The following NKAIN2 variants were observed in gnomAD, a reference collection of about 807,000 sequenced individuals.
NKAIN2 encodes sodium/potassium transporting ATPase interacting 2.
A neutral mutation model predicts 32.6 loss-of-function variants in NKAIN2; 14 were observed. That is an observed-to-expected ratio of 0.43 (90% CI 0.28 to 0.67). The LOEUF is 0.67. Among genes scored for constraint, NKAIN2 ranks in the 30% least tolerant of loss-of-function variants. NKAIN2 has a pLI of 0.17. For synonymous variants in NKAIN2, 80 were observed against 87.2 expected (o/e 0.92, Z 0.46); for missense variants, 198 against 258.3 (o/e 0.77, Z 1.60).
At chr6:124,035,658 A>C (rs1781576627) in intron 1 of NKAIN2, among the ~76,000 whole-genome samples, 1 of 152,146 alleles carries the variant, frequency 6.6e-6, no homozygotes, top group South Asian at 2.1e-4. Context: ...ACTTCTAGCC[A>C]TTGTTTTTAT....
intron 2 of NKAIN2, among the ~76,000 whole-genome samples, chr6:124,285,456 T>C (rs942926720): frequency 6.6e-6 from 1 of 152,182 alleles, no homozygotes; most frequent in African/African-American, 2.4e-5. Flanking sequence ...ATAGCTAAGA[T>C]AATTGTTCTG....
At chr6:124,456,587 T>TATATATAA (rs1377760677) in intron 3 of NKAIN2, among the ~76,000 whole-genome samples, 7 of 151,960 alleles carry the variant, frequency 4.6e-5, no homozygotes, top group African/African-American at 1.7e-4. Context: ...TATATTTGCA[T>TATATATAA]ATGGTTACTG....
chr6:124,013,334 T>C (rs995952899), intron 1 of NKAIN2, among the ~76,000 whole-genome samples: 2 of 152,198 alleles, frequency 1.3e-5, no homozygotes, highest in Non-Finnish European at 2.9e-5. Flanking sequence ...TCAATCTTTA[T>C]AGAGTGTGTT....
intron 3 of NKAIN2, among the ~76,000 whole-genome samples, chr6:124,424,902 C>G (rs1378893841): frequency 6.6e-6 from 1 of 152,104 alleles, no homozygotes; most frequent in Non-Finnish European, 1.5e-5. Flanking sequence ...ATATTGGTTT[C>G]TTTTCCTTTG....
intron 1 of NKAIN2, among the ~76,000 whole-genome samples, chr6:124,098,381 A>T (rs1784734244): frequency 6.6e-6 from 1 of 152,198 alleles, no homozygotes; most frequent in Non-Finnish European, 1.5e-5. Context: ...AAATGTATAC[A>T]AAATGAAGTA....
intron 3 of NKAIN2, among the ~76,000 whole-genome samples, chr6:124,383,738 T>C (rs919689928): frequency 6.6e-6 from 1 of 152,216 alleles, no homozygotes; most frequent in Non-Finnish European, 1.5e-5. Flanking sequence ...TTCATCACTC[T>C]GTCTTCCATA....
intron 1 of NKAIN2, among the ~76,000 whole-genome samples, chr6:123,884,103 C>T (rs1217321082): frequency 2.0e-5 from 3 of 151,824 alleles, no homozygotes; most frequent in African/African-American, 4.8e-5. Context: ...TGATCCTCTC[C>T]CTCCTCCCAC....
intron 3 of NKAIN2, among the ~76,000 whole-genome samples, chr6:124,391,817 C>A (rs543676382): frequency 6.6e-6 from 1 of 152,072 alleles, no homozygotes; most frequent in Non-Finnish European, 1.5e-5. Context: ...ATGAACTCTT[C>A]GACTTCCCTG....
At chr6:124,175,779 T>C (rs1056069856) in intron 1 of NKAIN2, among the ~76,000 whole-genome samples, 17 of 152,178 alleles carry the variant, frequency 1.1e-4, no homozygotes, top group Non-Finnish European at 2.2e-4. Context: ...TCAACATTAT[T>C]TTCCAATCTA....
At chr6:124,397,037 A>G (rs1773411743) in intron 3 of NKAIN2, among the ~76,000 whole-genome samples, 1 of 152,112 alleles carries the variant, frequency 6.6e-6, no homozygotes, top group Non-Finnish European at 1.5e-5. Context: ...TGTTTTATTA[A>G]CAGTAGTGGT....
chr6:124,287,953 C>A lies in NKAIN2; in HGVS notation c.192+4811C>A, dbSNP rs545211194. Among the ~76,000 whole-genome samples, 10 of 133,622 alleles carry A rather than the reference C, an allele frequency of 7.5e-5. 1 individual carries two copies. The highest frequency in any genetic ancestry group is 3.8e-4 in the African/African-American group (10 of 26,664). The allele number at this position is 133,622 out of a possible 152,430, so 87.7% of individuals were successfully genotyped here. On this transcript the variant is annotated intron_variant, in intron 2 of 6. Transcript: ENST00000368417. ...GTAACATGCCAAAAATAAATTATTT[C>A]TCCCCCCCTCTCCCTTTCTTCCTTC...
chr6:124,559,943 T>C (rs1478632525), intron 3 of NKAIN2, among the ~76,000 whole-genome samples: 5 of 143,856 alleles, frequency 3.5e-5, no homozygotes, highest in African/African-American at 1.3e-4. Context: ...TGCCCACACT[T>C]CGGCTTATGT....
chr6:124,065,228 A>G (rs1783110980), intron 1 of NKAIN2, among the ~76,000 whole-genome samples: 1 of 151,938 alleles, frequency 6.6e-6, no homozygotes, highest in Non-Finnish European at 1.5e-5. Flanking sequence ...ACACACACAC[A>G]CACACACACA....
chr6:124,793,003 G>C lies in NKAIN2; in HGVS notation c.535+1604G>C, dbSNP rs1779812064. On this transcript the variant is annotated intron_variant, in intron 5 of 6. Transcript: ENST00000368417. ...TCATTATAAAGAAGAGACTCAAGAG[G>C]GGGAAAGATTAGGGAAAAGAGAACT... is the stretch of plus-strand genomic sequence containing the variant. Among the ~76,000 whole-genome samples the C allele has an allele frequency of 2.0e-5, 3 of 151,972 alleles. No homozygotes were observed. The South Asian group carries it at 6.2e-4, about 32-fold the overall frequency.
chr6:124,166,301 T>G (rs1275735213), intron 1 of NKAIN2, among the ~76,000 whole-genome samples: 1 of 151,984 alleles, frequency 6.6e-6, no homozygotes, highest in Non-Finnish European at 1.5e-5. Context: ...GTTTTTTGGC[T>G]GCATAAATGT....
At chr6:124,571,054 C>T (rs1329890243) in intron 3 of NKAIN2, among the ~76,000 whole-genome samples, 4 of 149,548 alleles carry the variant, frequency 2.7e-5, no homozygotes, top group Admixed American at 6.6e-5. Flanking sequence ...ATTTGACTGG[C>T]TCACTGGATT....
chr6:124,480,749 T>G (rs1457557008), intron 3 of NKAIN2, among the ~76,000 whole-genome samples: 1 of 152,116 alleles, frequency 6.6e-6, no homozygotes, highest in Non-Finnish European at 1.5e-5. Context: ...TTTTTCTATT[T>G]GCTATTTGTT....
intron 3 of NKAIN2, among the ~76,000 whole-genome samples, chr6:124,567,335 G>A (rs969969328): frequency 6.6e-6 from 1 of 152,130 alleles, no homozygotes; most frequent in African/African-American, 2.4e-5. Context: ...ATTCTACTAT[G>A]TATTTCTAAT....
chr6:124,373,048 A>C lies in NKAIN2; in HGVS notation c.273+17701A>C, dbSNP rs192180457. On this transcript the variant is annotated intron_variant, in intron 3 of 6. Transcript: ENST00000368417. Reference sequence around the variant, plus strand: ...TAACTCTGGCAGGAGCAAGAGTTGCAAGAGGAAAATCAGTTTGGGTATTTT... The same window carrying C: ...TAACTCTGGCAGGAGCAAGAGTTGCCAGAGGAAAATCAGTTTGGGTATTTT... Among the ~76,000 whole-genome samples, 20 of 152,298 alleles carry C rather than the reference A, an allele frequency of 1.3e-4. No homozygotes were observed. The East Asian group carries it at 3.7e-3, about 28-fold the overall frequency.
Sources: gnomAD v4.1 joint callset for allele counts (sites outside exome capture counted in the v4.1 genomes callset) on GRCh38, gnomAD v4.1.1 for gene constraint, MANE v1.5 for transcripts, NCBI Gene and HGNC (gene_info 2026-07-23, HGNC 2026-07-21) for gene names.